GALNT13: variants seen among roughly 807,000 people sequenced by gnomAD.
The protein encoded by GALNT13 is UDP-GalNAc:polypeptide N-acetylgalactosaminyltransferase 13.
Under a neutral mutation model 64.2 loss-of-function variants are expected in GALNT13, and 28 were observed. The ratio of observed to expected loss-of-function variants is 0.44; its 90% CI spans 0.32 to 0.60. The LOEUF is 0.60. GALNT13 is among the 20% of genes least tolerant of loss of function. The pLI is 0.05. For missense variants in GALNT13, 577 were observed against 669.8 expected (o/e 0.86, Z 1.53); for synonymous variants, 214 against 224.6 (o/e 0.95, Z 0.42).
chr2:153,145,454 A>G, the GALNT13 span, among the ~76,000 whole-genome samples: 2,118 of 152,106 alleles, frequency 0.014, 56 homozygotes, highest in African/African-American at 0.049. Flanking sequence ...GTTGGATTTC[A>G]TTTCAAAGGT....
chr2:153,960,563 G>A (rs1165483961), intron 3 of GALNT13, among the ~76,000 whole-genome samples: 1 of 152,182 alleles, frequency 6.6e-6, no homozygotes, highest in Non-Finnish European at 1.5e-5. Flanking sequence ...CAGATTAAGA[G>A]ATGAAGGGGT....
At chr2:154,302,538 G>A (rs1693502408) in intron 9 of GALNT13, among the ~76,000 whole-genome samples, 1 of 152,186 alleles carries the variant, frequency 6.6e-6, no homozygotes, top group African/African-American at 2.4e-5. Context: ...TCAATGAAAA[G>A]AGTCAAACTC....
chr2:154,087,236 C>G (rs1238645486), intron 3 of GALNT13, among the ~76,000 whole-genome samples: 1 of 151,568 alleles, frequency 6.6e-6, no homozygotes, highest in Non-Finnish European at 1.5e-5. Flanking sequence ...ATTTTTCAGA[C>G]TCTTCTGTAG....
chr2:153,664,231 C>T, the GALNT13 span, among the ~76,000 whole-genome samples: 1 of 152,198 alleles, frequency 6.6e-6, no homozygotes. Flanking sequence ...AAGACAGACA[C>T]TCCCAGAGTG....
chr2:153,360,642 C>G, the GALNT13 span, among the ~76,000 whole-genome samples: 1 of 152,070 alleles, frequency 6.6e-6, no homozygotes, highest in African/African-American at 2.4e-5. Context: ...CCTTACCCAT[C>G]CCTCCTCACC....
At chr2:153,112,183 AC>A in the GALNT13 span, among the ~76,000 whole-genome samples, 2 of 152,050 alleles carry the variant, frequency 1.3e-5, no homozygotes, top group African/African-American at 4.8e-5. Flanking sequence ...GGGGAACTGA[AC>A]CCTTATCTCA....
At chr2:154,206,852 C>A (rs530500032) in intron 4 of GALNT13, among the ~76,000 whole-genome samples, 1 of 151,742 alleles carries the variant, frequency 6.6e-6, no homozygotes, top group African/African-American at 2.4e-5. Context: ...AGTCTAAGGT[C>A]AAGAACATGG....
At chr2:153,284,058 T>C in the GALNT13 span, among the ~76,000 whole-genome samples, 1 of 152,204 alleles carries the variant, frequency 6.6e-6, no homozygotes, top group African/African-American at 2.4e-5. Context: ...TGATGCACGA[T>C]GATCTATGCC....
At chr2:153,409,302 A>ATATATATGAATATGTATATATTCATATG in the GALNT13 span, among the ~76,000 whole-genome samples, 1 of 148,916 alleles carries the variant, frequency 6.7e-6, no homozygotes, top group African/African-American at 2.5e-5. Context: ...ATGTATGTAT[A>ATATATATGAATATGTATATATTCATATG]TATATATATG....
chr2:154,309,305 C>CCTTT (rs1254860716), intron 9 of GALNT13, among the ~76,000 whole-genome samples: 2 of 85,388 alleles, frequency 2.3e-5, no homozygotes, highest in Non-Finnish European at 4.6e-5. Flanking sequence ...GCTCTCAAAT[C>CCTTT]CATTCGTCTT....
chr2:153,170,947 T>A, the GALNT13 span, among the ~76,000 whole-genome samples: 1 of 152,076 alleles, frequency 6.6e-6, no homozygotes, highest in African/African-American at 2.4e-5. Flanking sequence ...TTATGAAAGC[T>A]AGACTTTATC....
the GALNT13 span, among the ~76,000 whole-genome samples, chr2:153,607,853 T>C: frequency 1.3e-5 from 2 of 152,172 alleles, no homozygotes; most frequent in African/African-American, 4.8e-5. Context: ...ACAAGAATAA[T>C]TTAATGCCAT....
At chr2:153,325,549 C>A in the GALNT13 span, among the ~76,000 whole-genome samples, 3 of 151,992 alleles carry the variant, frequency 2.0e-5, no homozygotes, top group African/African-American at 7.2e-5. Context: ...CTTTTGAATT[C>A]GTTTGCACTT....
At chr2:153,664,385 G>T in the GALNT13 span, among the ~76,000 whole-genome samples, 1 of 152,192 alleles carries the variant, frequency 6.6e-6, no homozygotes, top group African/African-American at 2.4e-5. Flanking sequence ...CAGGCAGTCA[G>T]ACCTTATGGT....
chr2:153,637,491 A>G, the GALNT13 span, among the ~76,000 whole-genome samples: 1 of 152,170 alleles, frequency 6.6e-6, no homozygotes, highest in Non-Finnish European at 1.5e-5. Context: ...GATAGAATAA[A>G]GAAGAACTGA....
the GALNT13 span, among the ~76,000 whole-genome samples, chr2:153,193,882 T>G: frequency 6.6e-6 from 1 of 152,170 alleles, no homozygotes; most frequent in Non-Finnish European, 1.5e-5. Flanking sequence ...TATTGCTGCC[T>G]GATTTTTTGT....
the GALNT13 span, among the ~76,000 whole-genome samples, chr2:153,177,387 A>G: frequency 1.3e-5 from 2 of 152,154 alleles, no homozygotes; most frequent in Non-Finnish European, 2.9e-5. Context: ...AGAAAAGGGC[A>G]TATACAGGAA....
chr2:153,397,413 C>A, the GALNT13 span, among the ~76,000 whole-genome samples: 1 of 152,086 alleles, frequency 6.6e-6, no homozygotes, highest in Non-Finnish European at 1.5e-5. Flanking sequence ...TAAGAGCCTC[C>A]ATGGCAGGAT....
At chr2:153,961,038 A>G (rs115096044) in intron 3 of GALNT13, among the ~76,000 whole-genome samples, 67 of 152,316 alleles carry the variant, frequency 4.4e-4, no homozygotes, top group Admixed American at 1.4e-3. Flanking sequence ...ATCAAAATGT[A>G]TACATCAAAT....
Sources: gnomAD v4.1 joint callset for allele counts (sites outside exome capture counted in the v4.1 genomes callset) on GRCh38, gnomAD v4.1.1 for gene constraint, MANE v1.5 for transcripts, NCBI Gene and HGNC (gene_info 2026-07-23, HGNC 2026-07-21) for gene names.